ADAMTS17: variants seen among roughly 807,000 people sequenced by gnomAD.
ADAMTS17 encodes the protein A disintegrin and metalloproteinase with thrombospondin motifs 17.
In ADAMTS17, 113 loss-of-function variants were observed where a neutral mutation model predicts 141.5. The observed-to-expected ratio is 0.80, with a 90% CI of 0.69 to 0.93. The LOEUF (loss-of-function observed/expected upper bound fraction) is 0.93, where lower values mean the gene tolerates loss of function less well. Ranked by LOEUF, ADAMTS17 falls within the 40% of genes least tolerant of loss-of-function variation. The pLI is 0.00. For synonymous variants in ADAMTS17, 768 were observed against 630.6 expected, an observed-to-expected ratio of 1.22 and a Z score of -3.27; for missense variants, 1,659 against 1,517.9, an observed-to-expected ratio of 1.09 and a Z score of -1.54.
intron 13 of ADAMTS17, among the ~76,000 whole-genome samples, chr15:100,116,132 T>TA (rs34003703): frequency 0.027 from 2,252 of 84,650 alleles, 57 homozygotes; most frequent in East Asian, 0.057. Context: ...CAGTTTTAGG[T>TA]AAAAAAAAAA....
At chr15:100,125,418 C>T (rs1397405572) in intron 12 of ADAMTS17, among the ~76,000 whole-genome samples, 1 of 152,224 alleles carries the variant, frequency 6.6e-6, no homozygotes, top group African/African-American at 2.4e-5. Context: ...TAACCTTACA[C>T]CAGCCGTCCT....
rs148991170 is a variant in ADAMTS17 at position 100,054,037 on chromosome 15, T to C, written c.2155A>G (p.Lys719Glu). 26 of 1,613,988 alleles carry C rather than the reference T, an allele frequency of 1.6e-5. No individual in the cohort carries two copies. The highest frequency in any genetic ancestry group is 8.0e-5 in the African/African-American group (6 of 74,894). Residue 719 changes from lysine to glutamate, a missense_variant, in exon 16 of 22, where the codon AAG (lysine) becomes GAG (glutamate). Transcript: ENST00000268070. ...ARGTALKDSG[K>E]GSINSDWKIE... is the part of the protein sequence containing the mutation. ...TTCCAGTCACTGTTGATGGACCCCT[T>C]ACCCGAGTCTTTGAGAGCTAGAAAG...
intron 2 of ADAMTS17, among the ~76,000 whole-genome samples, chr15:100,338,391 C>T (rs1266225774): frequency 6.6e-6 from 1 of 152,228 alleles, no homozygotes; most frequent in Non-Finnish European, 1.5e-5. Flanking sequence ...GCACTCAACA[C>T]TCTCTACTGA....
intron 8 of ADAMTS17, among the ~76,000 whole-genome samples, chr15:100,191,975 T>G (rs1042185479): frequency 6.6e-6 from 1 of 152,214 alleles, no homozygotes; most frequent in African/African-American, 2.4e-5. Flanking sequence ...ACGCATTGCA[T>G]GCCTGTATCA....
chr15:100,125,672 C>A (rs949857727), intron 12 of ADAMTS17, among the ~76,000 whole-genome samples: 2 of 152,162 alleles, frequency 1.3e-5, no homozygotes, highest in African/African-American at 4.8e-5. Context: ...GCATTTTCTA[C>A]CCTGCAGTCT....
At chr15:100,259,761 C>T (rs932688522) in intron 6 of ADAMTS17, among the ~76,000 whole-genome samples, 25 of 152,240 alleles carry the variant, frequency 1.6e-4, no homozygotes, top group African/African-American at 5.5e-4. Context: ...ATACTCAGGG[C>T]TGGCAATCGA....
rs181779823 is a variant in ADAMTS17, at chr15:100,228,563, A to G, written c.1075+25573T>C. On this transcript the variant is annotated intron_variant, in intron 7 of 21. Coordinates refer to ENST00000268070, the MANE Select transcript of ADAMTS17 (RefSeq NM_139057.4). ...AACTCGAGGGTGAGAGTGAGCAGGT[A>G]CATTTAGGGCAGGATGAGGACACAG... 4.6e-5 allele frequency among the ~76,000 whole-genome samples: 7 copies of G among 152,364 alleles called. No individual in the cohort carries two copies. In the East Asian group the frequency reaches 1.3e-3, roughly 29 times the overall value.
chr15:100,143,855 C>T (rs1244487501), intron 10 of ADAMTS17, among the ~76,000 whole-genome samples: 1 of 152,186 alleles, frequency 6.6e-6, no homozygotes, highest in Non-Finnish European at 1.5e-5. Flanking sequence ...TTTACCCACA[C>T]CTTTGAGTAG....
At chr15:100,303,218 A>T (rs2045106012) in intron 3 of ADAMTS17, among the ~76,000 whole-genome samples, 1 of 147,376 alleles carries the variant, frequency 6.8e-6, no homozygotes, top group Non-Finnish European at 1.5e-5. Flanking sequence ...TATATATGTA[A>T]CATATATATT....
chr15:100,316,590 C>A (rs2045573487), intron 3 of ADAMTS17, among the ~76,000 whole-genome samples: 1 of 152,204 alleles, frequency 6.6e-6, no homozygotes, highest in Non-Finnish European at 1.5e-5. Context: ...CCCCTCCCTC[C>A]CTGACACTGA....
intron 7 of ADAMTS17, among the ~76,000 whole-genome samples, chr15:100,235,777 A>G (rs1228146103): frequency 2.6e-5 from 4 of 152,182 alleles, no homozygotes; most frequent in African/African-American, 4.8e-5. Context: ...AACACAGCCA[A>G]TGATGATGGG....
chr15:100,071,279 C>A, intron 15 of ADAMTS17, among the ~76,000 whole-genome samples: 1 of 149,914 alleles, frequency 6.7e-6, no homozygotes, highest in Non-Finnish European at 1.5e-5. Context: ...AAGTCCAGGA[C>A]CAGATGGATT....
intron 15 of ADAMTS17, among the ~76,000 whole-genome samples, chr15:100,077,461 C>CAAAAAAAAAAAAAAAAAA (rs61464362): frequency 1.4e-5 from 2 of 139,334 alleles, no homozygotes; most frequent in African/African-American, 5.5e-5. Context: ...GACTCCCTCT[C>CAAAAAAAAAAAAAAAAAA]AAAAAAAAAA....
intron 10 of ADAMTS17, among the ~76,000 whole-genome samples, chr15:100,142,290 A>G (rs72755210): frequency 0.035 from 5,280 of 152,252 alleles, 183 homozygotes; most frequent in African/African-American, 0.086. Context: ...AGGACGTGAG[A>G]AAGGAGAAAA....
intron 15 of ADAMTS17, among the ~76,000 whole-genome samples, chr15:100,066,409 T>C (rs559293502): frequency 6.6e-6 from 1 of 152,150 alleles, no homozygotes; most frequent in African/African-American, 2.4e-5. Flanking sequence ...ATTTCATACA[T>C]GTGGTGTTTG....
chr15:100,082,542 T>C (rs2034814961), intron 15 of ADAMTS17, among the ~76,000 whole-genome samples: 1 of 151,956 alleles, frequency 6.6e-6, no homozygotes. Flanking sequence ...CACACCACCG[T>C]GTCTACCTGA....
chr15:100,034,157 A>T (rs1355856578), intron 18 of ADAMTS17, among the ~76,000 whole-genome samples: 1 of 152,242 alleles, frequency 6.6e-6, no homozygotes, highest in Non-Finnish European at 1.5e-5. Context: ...CAGAAGCTCC[A>T]GGAAAGGTAG....
At chr15:99,986,954 T>G (rs2060601487) in intron 20 of ADAMTS17, among the ~76,000 whole-genome samples, 1 of 152,130 alleles carries the variant, frequency 6.6e-6, no homozygotes, top group South Asian at 2.1e-4. Context: ...GGGAACGTGA[T>G]GTGTGTCCCT....
At chr15:100,057,512 G>A (rs957469474) in intron 15 of ADAMTS17, among the ~76,000 whole-genome samples, 4 of 152,134 alleles carry the variant, frequency 2.6e-5, no homozygotes, top group African/African-American at 4.8e-5. Context: ...ACTCCAACAC[G>A]GGCTGCCCTG....
Sources: gnomAD v4.1 joint callset for allele counts (sites outside exome capture counted in the v4.1 genomes callset) on GRCh38, gnomAD v4.1.1 for gene constraint, MANE v1.5 for transcripts, NCBI Gene and HGNC (gene_info 2026-07-23, HGNC 2026-07-21) for gene names.